KCNJ16: variants seen among roughly 807,000 people sequenced by gnomAD.
KCNJ16 encodes inward rectifier potassium channel 16.
KCNJ16 carries 15 observed loss-of-function variants against 18.5 expected under a neutral mutation model. That is an observed-to-expected ratio of 0.81 (90% CI 0.54 to 1.25). KCNJ16 has a LOEUF of 1.25. Ranked by LOEUF, KCNJ16 falls within the 50% of genes most tolerant of loss-of-function variation. The probability of loss-of-function intolerance (pLI) is 0.00; values close to 1 mark genes in which losing one functional copy is unlikely to be tolerated. For synonymous variants in KCNJ16, 174 were observed against 186.5 expected (o/e 0.93, Z 0.55); for missense variants, 523 against 525.7 (o/e 0.99, Z 0.05).
At chr17:70,117,290 G>A (rs1001880518) in intron 2 of KCNJ16, among the ~76,000 whole-genome samples, 2 of 152,102 alleles carry the variant, frequency 1.3e-5, no homozygotes, top group East Asian at 1.9e-4. Flanking sequence ...AACAGACACC[G>A]AGGACTACTA....
At chr17:70,115,015 A>G (rs1175124449) in intron 2 of KCNJ16, among the ~76,000 whole-genome samples, 2 of 152,138 alleles carry the variant, frequency 1.3e-5, no homozygotes, top group Non-Finnish European at 2.9e-5. Flanking sequence ...GGGCAAACAG[A>G]GGCTCAAAGA....
rs1042866227 is a variant in KCNJ16, at chr17:70,113,764, C to G, written c.-191+12998C>G. ...ATAATAAAATTCCAACCTTCCAAAT[C>G]AGGACAGGATGATTCGTTATTCTTC... On this transcript the variant is annotated intron_variant, in intron 2 of 3. Coordinates refer to ENST00000392671, the MANE Select transcript of KCNJ16 (RefSeq NM_170741.4). 2.0e-5 allele frequency among the ~76,000 whole-genome samples: 3 copies of G among 152,056 alleles called. No homozygotes were observed. In the South Asian group the frequency reaches 6.2e-4, roughly 31 times the overall value.
Position 70,100,426 on chromosome 17 carries a change from G to A in KCNJ16, c.-299-232G>A, listed in dbSNP as rs990307751. On this transcript the variant is annotated intron_variant, in intron 1 of 3. Transcript: ENST00000392671. The stretch of plus-strand genomic sequence containing the variant: ...TGATACTTCTCTGCCCGTGTCTTCA[G>A]TACTGGAATTTACTCCAGTACTTCT... Among the ~76,000 whole-genome samples the A allele has an allele frequency of 1.8e-4, 27 of 152,192 alleles. No homozygotes were observed. In the East Asian group the frequency reaches 2.9e-3, roughly 16 times the overall value.
In KCNJ16 at chr17:70,130,966, G is replaced by A. The variant is rs928745130; in HGVS notation, c.-103G>A. On this transcript the variant is annotated 5_prime_UTR_variant, in exon 3 of 4. An upstream start codon of the reference 5' UTR is lost. Transcript: ENST00000392671. Reference sequence around the variant, plus strand: ...TCCTTTGGCCTATTATACCATGGATGCTAAAAATGGTAAGAGCTGCATGTT... The same window carrying A: ...TCCTTTGGCCTATTATACCATGGATACTAAAAATGGTAAGAGCTGCATGTT... The A allele has an allele frequency of 1.3e-6, 2 of 1,535,596 alleles. No homozygotes were observed. The highest frequency in any genetic ancestry group is 8.7e-7 in the Non-Finnish European group (1 of 1,146,508).
Position 70,134,295 on chromosome 17 carries a change from A to G in KCNJ16, c.*951A>G, listed in dbSNP as rs1003737801. 1 of 137,568 alleles carries G rather than the reference A, an allele frequency of 7.3e-6. No individual in the cohort carries two copies. The highest frequency in any genetic ancestry group is 1.7e-5 in the Non-Finnish European group (1 of 59,926). The allele number at this position is 137,568 out of a possible 1,614,324, so 8.5% of individuals were successfully genotyped here. A position where few individuals can be genotyped will look rare whatever the true frequency, so the allele number is the denominator to read the frequency against. ...CTTTGGCTGCTACAGAAAGGATAGA[A>G]CCTTTTTGGGGGGAGGGTGGGGAGG... is the stretch of plus-strand genomic sequence containing the variant. On this transcript the variant is annotated 3_prime_UTR_variant, in exon 4 of 4. Coordinates refer to ENST00000392671, the MANE Select transcript of KCNJ16 (RefSeq NM_170741.4).
At chr17:70,088,054 GA>G in intron 1 of KCNJ16, among the ~76,000 whole-genome samples, 1 of 120,106 alleles carries the variant, frequency 8.3e-6, no homozygotes, top group Admixed American at 8.2e-5. Flanking sequence ...AAAAGAAAAA[GA>G]AAAAAGTTTG....
chr17:70,116,090 TAGA>T (rs1213298832), intron 2 of KCNJ16, among the ~76,000 whole-genome samples: 1 of 152,144 alleles, frequency 6.6e-6, no homozygotes, highest in African/African-American at 2.4e-5. Flanking sequence ...AGTATGTGAA[TAGA>T]AGAAAAAAGG....
In KCNJ16 at chr17:70,117,094, A is replaced by G. The variant is rs185685693; in HGVS notation, c.-190-13785A>G. On this transcript the variant is annotated intron_variant, in intron 2 of 3. Transcript: ENST00000392671. ...GGACTGGATAAAGAAAATGTGGTCAATATACACTATGGAATACTACACAGC... is the reference window on the plus strand; with the variant it reads ...GGACTGGATAAAGAAAATGTGGTCAGTATACACTATGGAATACTACACAGC... 2.5e-4 allele frequency among the ~76,000 whole-genome samples: 38 copies of G among 152,370 alleles called. No homozygotes were observed. The South Asian group carries it at 3.1e-3, about 12-fold the overall frequency.
intron 2 of KCNJ16, among the ~76,000 whole-genome samples, chr17:70,103,342 T>G (rs1270929635): frequency 2.4e-4 from 12 of 50,650 alleles, no homozygotes; most frequent in Non-Finnish European, 4.3e-4. Flanking sequence ...ATATATATAT[T>G]TTTTTGTCAA....
Position 70,132,132 on chromosome 17 carries a change from A to G in KCNJ16, c.45A>G (p.Ala15=). 6.2e-7 allele frequency: 1 copy of G among 1,614,228 alleles called. No homozygotes were observed. Among genetic ancestry groups the G allele is most frequent in the Non-Finnish European group, 8.5e-7 (1 of 1,180,034 alleles). The change falls in exon 4 of 4, where the codon GCA becomes GCG. Residue 15 remains alanine, a synonymous_variant. Transcript: ENST00000392671. ...GCTATCATATTATCAATGCGGACGCAAAATACCCAGGCTACCCGCCAGAGC... is the reference window on the plus strand; with the variant it reads ...GCTATCATATTATCAATGCGGACGCGAAATACCCAGGCTACCCGCCAGAGC... ...GSSYHIINAD[A]KYPGYPPEHI...
chr17:70,106,306 C>A (rs1465334863), intron 2 of KCNJ16, among the ~76,000 whole-genome samples: 1 of 152,146 alleles, frequency 6.6e-6, no homozygotes, highest in Non-Finnish European at 1.5e-5. Context: ...GTGTGACCTT[C>A]CCCCAAATTA....
At chr17:70,075,436 T>A (rs988771079) in intron 1 of KCNJ16, 46 bp downstream of exon 1, 2 of 152,220 alleles carry the variant, frequency 1.3e-5, no homozygotes, top group Non-Finnish European at 2.9e-5. Flanking sequence ...CAGCCTATGT[T>A]TTGCTCTTGC....
At chr17:70,109,352 C>A (rs2073083558) in intron 2 of KCNJ16, among the ~76,000 whole-genome samples, 1 of 152,216 alleles carries the variant, frequency 6.6e-6, no homozygotes, top group African/African-American at 2.4e-5. Context: ...AAATGCCTGG[C>A]ATGTAAGAAG....
At chr17:70,108,827 C>T (rs973209251) in intron 2 of KCNJ16, among the ~76,000 whole-genome samples, 62 of 152,084 alleles carry the variant, frequency 4.1e-4, no homozygotes, top group African/African-American at 1.4e-3. Flanking sequence ...TTTTGCTAGC[C>T]CTCTGAGCTT....
chr17:70,123,487 C>A (rs1178636721), intron 2 of KCNJ16, among the ~76,000 whole-genome samples: 1 of 152,092 alleles, frequency 6.6e-6, no homozygotes, highest in East Asian at 1.9e-4. Context: ...CTAGATAAGG[C>A]CCTGTATGAT....
At chr17:70,086,931 C>T (rs1389185970) in intron 1 of KCNJ16, among the ~76,000 whole-genome samples, 2 of 152,270 alleles carry the variant, frequency 1.3e-5, no homozygotes, top group South Asian at 2.1e-4. Flanking sequence ...CAGAGTCTCA[C>T]TCTGTCACCC....
intron 1 of KCNJ16, chr17:70,096,876 G>C (rs2072399812): frequency 2.5e-6 from 1 of 398,230 alleles, no homozygotes; most frequent in Non-Finnish European, 4.4e-6. Flanking sequence ...TTATTGTTTA[G>C]AGTGTAGACC....
At chr17:70,094,703 T>C (rs1292530700) in intron 1 of KCNJ16, among the ~76,000 whole-genome samples, 3 of 152,198 alleles carry the variant, frequency 2.0e-5, no homozygotes, top group South Asian at 2.1e-4. Flanking sequence ...AAATTTATTA[T>C]ACCACTGTCC....
chr17:70,130,731 G>A (rs1405998826), intron 2 of KCNJ16, 148 bp from the exon 3 acceptor site: 1 of 567,194 alleles, frequency 1.8e-6, no homozygotes, highest in Non-Finnish European at 3.1e-6. Flanking sequence ...CATTTTCTAT[G>A]TAATAGAGAG....
Sources: allele counts gnomAD v4.1 joint callset (sites outside exome capture counted in the v4.1 genomes callset), GRCh38; gene constraint gnomAD v4.1.1; transcripts MANE v1.5; gene names NCBI Gene and HGNC (gene_info 2026-07-23, HGNC 2026-07-21).